The following TMEM91 variants were observed in gnomAD, a reference collection of about 807,000 sequenced individuals.
TMEM91 encodes dispanin subfamily C member 3.
TMEM91 carries 6 observed loss-of-function variants against 13.3 expected under a neutral mutation model. The observed-to-expected ratio is 0.45, with a 90% CI of 0.25 to 0.89. The LOEUF is 0.89. TMEM91 is among the 40% of genes least tolerant of loss of function. The pLI, the probability that TMEM91 is intolerant of heterozygous loss-of-function variation, is 0.19. For missense variants in TMEM91, 193 were observed against 228.7 expected (o/e 0.84, Z 1.01); for synonymous variants, 87 against 101.7 (o/e 0.86, Z 0.87).
upstream of TMEM91, among the ~76,000 whole-genome samples, chr19:41,373,378 AC>A (rs904062150): frequency 1.3e-5 from 2 of 151,682 alleles, no homozygotes; most frequent in Non-Finnish European, 2.9e-5. Flanking sequence ...GGATGAGGGG[AC>A]CCACAGAGCT....
At chr19:41,368,765 G>A (rs1488910525) in intron 1 of TMEM91, among the ~76,000 whole-genome samples, 2 of 151,686 alleles carry the variant, frequency 1.3e-5, no homozygotes, top group East Asian at 3.9e-4. Flanking sequence ...TTCAGTAAGT[G>A]GAGCCTAATT....
At chr19:41,365,894 A>G (rs1211817478) in intron 1 of TMEM91, among the ~76,000 whole-genome samples, 4 of 150,980 alleles carry the variant, frequency 2.6e-5, no homozygotes, top group African/African-American at 9.8e-5. Context: ...TGCTTTTAGT[A>G]GAGATGGAGT....
At chr19:41,371,058 C>G (rs2038608524) in intron 1 of TMEM91, among the ~76,000 whole-genome samples, 1 of 151,390 alleles carries the variant, frequency 6.6e-6, no homozygotes, top group South Asian at 2.1e-4. Flanking sequence ...CTGGAGTGTT[C>G]TGGTGAGATC....
upstream of TMEM91, among the ~76,000 whole-genome samples, chr19:41,375,297 T>TTTTTTTTTTTTTTTTTC (rs869066634): frequency 2.2e-4 from 25 of 113,366 alleles, 3 homozygotes; most frequent in East Asian, 4.6e-4. Flanking sequence ...TTTTTTTTTT[T>TTTTTTTTTTTTTTTTTC]TGAGACGGAG....
intron 2 of TMEM91, among the ~76,000 whole-genome samples, chr19:41,382,119 G>A (rs374734609): frequency 1.6e-4 from 25 of 151,910 alleles, no homozygotes; most frequent in South Asian, 2.1e-4. Context: ...CACCCACCTC[G>A]GTCTCCCAAA....
chr19:41,383,533 C>A (rs1425413939), intron 3 of TMEM91, 182 bp from the exon 4 acceptor site: 1 of 1,522,492 alleles, frequency 6.6e-7, no homozygotes, highest in East Asian at 2.4e-5. Flanking sequence ...TATTTTTTAC[C>A]ATTTTAATGT....
chr19:41,382,085 C>A (rs930634426), intron 2 of TMEM91, among the ~76,000 whole-genome samples: 3 of 151,984 alleles, frequency 2.0e-5, no homozygotes, highest in African/African-American at 7.2e-5. Context: ...AGGCTGGTCT[C>A]CCAACTCTCG....
At chr19:41,377,685 G>A (rs893680530) in intron 1 of TMEM91, among the ~76,000 whole-genome samples, 2 of 151,992 alleles carry the variant, frequency 1.3e-5, no homozygotes, top group Non-Finnish European at 2.9e-5. Context: ...TGGGGTAAGT[G>A]TGATGGGTAT....
upstream of TMEM91, among the ~76,000 whole-genome samples, chr19:41,371,688 G>A (rs1200686004): frequency 1.3e-5 from 2 of 152,042 alleles, no homozygotes; most frequent in Non-Finnish European, 2.9e-5. Flanking sequence ...AAAGTGCTGA[G>A]ATCACACGTA....
Position 41,368,927 on chromosome 19 carries a change from C to T in TMEM91, c.-30+4832C>T, listed in dbSNP as rs1296386620. Among the ~76,000 whole-genome samples the T allele has an allele frequency of 3.3e-5, 5 of 151,906 alleles. No homozygotes were observed. In the East Asian group the frequency reaches 9.9e-4, roughly 30 times the overall value. On this transcript the variant is annotated intron_variant, in intron 1 of 3. Transcript: ENST00000413014. ...TCCAGGAGTTTGAGAGCAGCCTGGA[C>T]AACATGATGAAACCCCATCACTACA...
chr19:41,378,656 T>G, intron 2 of TMEM91, 137 bp downstream of exon 2: 2 of 841,652 alleles, frequency 2.4e-6, no homozygotes. Context: ...TGTGTGGGCT[T>G]CTGAGATTTC....
At chr19:41,378,861 T>C (rs948998309) in intron 2 of TMEM91, among the ~76,000 whole-genome samples, 6 of 151,954 alleles carry the variant, frequency 3.9e-5, no homozygotes, top group Admixed American at 3.3e-4. Context: ...AGACAGGGTC[T>C]CGCTCTGTTG....
intron 3 of TMEM91, chr19:41,383,200 C>T (rs59170888): frequency 9.4e-5 from 44 of 466,348 alleles, no homozygotes; most frequent in African/African-American, 7.0e-4. Flanking sequence ...ATTAGAGGCG[C>T]GCGCTACCAT....
rs1446511942 is a variant in TMEM91 at position 41,378,052 on chromosome 19, A to AG, written c.-29-229_-29-228insG. On this transcript the variant is annotated intron_variant, in intron 1 of 3. Transcript: ENST00000392002. ...CTTTGTCTCAAAAAAAAAAAAAAAAAAGAGAGAGAGAGAGAAATGCCCAAA... is the reference window on the plus strand; with the variant it reads ...CTTTGTCTCAAAAAAAAAAAAAAAAAGAGAGAGAGAGAGAGAAATGCCCAAA... 1.9e-4 allele frequency among the ~76,000 whole-genome samples: 29 copies of AG among 150,094 alleles called. No homozygotes were observed. The South Asian group carries it at 3.8e-3, about 20-fold the overall frequency.
In TMEM91 at chr19:41,383,796, G is replaced by A. The variant is rs759114491; in HGVS notation, c.442G>A (p.Val148Ile). Residue 148 changes from valine (V) to isoleucine (I), a missense_variant, in exon 4 of 4, where the codon GTC becomes ATC. By Grantham distance (29) the Val-to-Ile change is conservative (BLOSUM62 3). Coordinates refer to ENST00000392002, the MANE Select transcript of TMEM91 (RefSeq NM_001098821.2). ...TGCCTTCCTGCTGGGGGTCCTCGCCGTCGGGCTGGGCGTGTGCACGTATGC... is the reference window on the plus strand; with the variant it reads ...TGCCTTCCTGCTGGGGGTCCTCGCCATCGGGCTGGGCGTGTGCACGTATGC... ...RRAFLLGVLAVGLGVCTYAAA... is the reference protein window; with the variant it reads ...RRAFLLGVLAIGLGVCTYAAA... 13 of 1,611,134 alleles carry A rather than the reference G, an allele frequency of 8.1e-6. No homozygotes were observed. Among genetic ancestry groups the A allele is most frequent in the Middle Eastern group, 1.7e-4 (1 of 6,052 alleles).
At chr19:41,381,858 C>T (rs181325726) in intron 2 of TMEM91, among the ~76,000 whole-genome samples, 11 of 151,774 alleles carry the variant, frequency 7.2e-5, no homozygotes, top group African/African-American at 2.7e-4. Flanking sequence ...TGGTGTTTGT[C>T]CCTGCTCAGG....
At chr19:41,374,333 T>A (rs1268847862), upstream of TMEM91, 1 of 152,168 alleles carries the variant, frequency 6.6e-6, no homozygotes, top group Non-Finnish European at 1.5e-5. Flanking sequence ...ATGAAGGAGG[T>A]GGAAGCTTGC....
intron 1 of TMEM91, among the ~76,000 whole-genome samples, chr19:41,366,720 A>G (rs1175537479): frequency 6.6e-6 from 1 of 151,896 alleles, no homozygotes; most frequent in Non-Finnish European, 1.5e-5. Flanking sequence ...TGGCCTCCCA[A>G]AGTGCTGAGA....
At chr19:41,379,137 CT>C (rs569382453) in intron 2 of TMEM91, among the ~76,000 whole-genome samples, 2,214 of 109,070 alleles carry the variant, frequency 0.02, 36 homozygotes, top group African/African-American at 0.054. Flanking sequence ...CCCAGCCTTC[CT>C]TTTTTTTTTT....
Sources: allele counts gnomAD v4.1 joint callset (sites outside exome capture counted in the v4.1 genomes callset), GRCh38; gene constraint gnomAD v4.1.1; transcripts MANE v1.5; gene names NCBI Gene and HGNC (gene_info 2026-07-23, HGNC 2026-07-21).